The following ANXA8 variants were observed in gnomAD, a reference collection of about 807,000 sequenced individuals.
The protein encoded by ANXA8 is annexin A8, also known as VAC-beta.
Under a neutral mutation model 26.8 loss-of-function variants are expected in ANXA8, and 9 were observed. The ratio of observed to expected loss-of-function variants is 0.34; its 90% confidence interval spans 0.20 to 0.59. The LOEUF (loss-of-function observed/expected upper bound fraction) is 0.59. ANXA8 is among the 20% of genes least tolerant of loss of function. The pLI is 0.84. For synonymous variants in ANXA8, 39 were observed against 94.8 expected (o/e 0.41, Z 3.42); for missense variants, 83 against 238.5 (o/e 0.35, Z 4.29).
chr10:47,970,899 G>T, the ANXA8 span, among the ~76,000 whole-genome samples: 2 of 151,332 alleles, frequency 1.3e-5, no homozygotes, highest in Non-Finnish European at 3.0e-5. Context: ...CAAGGGATCT[G>T]GACCACAACT....
chr10:47,660,037 G>A, the ANXA8 span, among the ~76,000 whole-genome samples: 2 of 147,618 alleles, frequency 1.4e-5, no homozygotes, highest in African/African-American at 5.2e-5. Context: ...TTACAGTTGA[G>A]AGCCACCAAG....
the ANXA8 span, among the ~76,000 whole-genome samples, chr10:47,711,358 G>A: frequency 6.7e-6 from 1 of 149,838 alleles, no homozygotes; most frequent in Non-Finnish European, 1.5e-5. Context: ...AACAATCAAA[G>A]ACAGTTTCAT....
At chr10:47,652,484 C>G in the ANXA8 span, among the ~76,000 whole-genome samples, 1 of 151,140 alleles carries the variant, frequency 6.6e-6, no homozygotes, top group Non-Finnish European at 1.5e-5. Context: ...GTCATCCCAG[C>G]TACTGGGGAG....
At chr10:47,967,542 C>A in the ANXA8 span, among the ~76,000 whole-genome samples, 1 of 98,104 alleles carries the variant, frequency 1.0e-5, no homozygotes, top group African/African-American at 4.0e-5. Context: ...TGTTCCCATA[C>A]CCTCCCCTTC....
the ANXA8 span, among the ~76,000 whole-genome samples, chr10:47,639,314 ATTTTTT>A: frequency 8.5e-4 from 64 of 75,192 alleles, no homozygotes; most frequent in East Asian, 1.6e-3. Context: ...TATTATTATT[ATTTTTT>A]TTTTTTTTTT....
At chr10:47,502,808 G>A in the ANXA8 span, 10 of 1,592,398 alleles carry the variant, frequency 6.3e-6, no homozygotes, top group Admixed American at 1.7e-4. Context: ...GCCAGGATCT[G>A]GCTCTGGATG....
the ANXA8 span, among the ~76,000 whole-genome samples, chr10:47,733,253 T>TTC: frequency 1.9e-4 from 19 of 102,204 alleles, no homozygotes; most frequent in Admixed American, 5.4e-4. Flanking sequence ...CTTTCTTTCT[T>TTC]TCTTTCTTTC....
chr10:47,486,124 C>A (rs2132446789), upstream of ANXA8, among the ~76,000 whole-genome samples: 2 of 144,300 alleles, frequency 1.4e-5, no homozygotes, highest in South Asian at 4.4e-4. Flanking sequence ...AAAAAAAAAT[C>A]AACAGCAGCT....
At chr10:47,925,621 T>C in the ANXA8 span, among the ~76,000 whole-genome samples, 2 of 42,062 alleles carry the variant, frequency 4.8e-5, 1 homozygote, top group Non-Finnish European at 9.7e-5. Flanking sequence ...ACCTGGAGTT[T>C]GTAGATATTC....
the ANXA8 span, among the ~76,000 whole-genome samples, chr10:47,707,288 TTG>T: frequency 7.0e-6 from 1 of 143,698 alleles, no homozygotes; most frequent in Non-Finnish European, 1.6e-5. Flanking sequence ...GATCAATATA[TTG>T]TGTTTTTGGA....
the ANXA8 span, among the ~76,000 whole-genome samples, chr10:47,916,669 C>T: frequency 7.3e-6 from 1 of 136,466 alleles, no homozygotes; most frequent in Non-Finnish European, 1.7e-5. Flanking sequence ...GGCAAGGGAG[C>T]TGTTTGCTGC....
At chr10:47,666,506 T>A in the ANXA8 span, among the ~76,000 whole-genome samples, 83 of 151,954 alleles carry the variant, frequency 5.5e-4, no homozygotes, top group Non-Finnish European at 1.0e-3. Context: ...AACCCAAGGA[T>A]TTCTGCTGTC....
chr10:47,600,369 C>A, the ANXA8 span, among the ~76,000 whole-genome samples: 1 of 149,694 alleles, frequency 6.7e-6, no homozygotes, highest in African/African-American at 2.5e-5. Context: ...CCACGTGGCC[C>A]CACCCCGGGG....
At chr10:47,973,072 G>C in the ANXA8 span, 1 of 134,578 alleles carries the variant, frequency 7.4e-6, no homozygotes, top group African/African-American at 2.8e-5. Flanking sequence ...GATCATGCAT[G>C]CATGTGGACG....
chr10:47,685,249 G>A, the ANXA8 span, among the ~76,000 whole-genome samples: 1 of 151,162 alleles, frequency 6.6e-6, no homozygotes, highest in Non-Finnish European at 1.5e-5. Context: ...GGGAGGCTGA[G>A]GTAGGAGAAT....
At chr10:47,970,381 C>T in the ANXA8 span, 1 of 150,970 alleles carries the variant, frequency 6.6e-6, no homozygotes, top group African/African-American at 2.4e-5. Context: ...GGAGGTGTGT[C>T]CTCCTTGGAA....
At chr10:47,977,324 T>C in the ANXA8 span, among the ~76,000 whole-genome samples, 1 of 150,230 alleles carries the variant, frequency 6.7e-6, no homozygotes, top group Non-Finnish European at 1.5e-5. Flanking sequence ...AACAACAAAT[T>C]GTGAAGAGGG....
the ANXA8 span, among the ~76,000 whole-genome samples, chr10:47,731,220 A>G: frequency 6.6e-6 from 1 of 152,260 alleles, no homozygotes; most frequent in Non-Finnish European, 1.5e-5. Flanking sequence ...TGACATGAAC[A>G]AGCTTCTTTT....
At chr10:47,950,731 A>T in the ANXA8 span, among the ~76,000 whole-genome samples, 45 of 151,184 alleles carry the variant, frequency 3.0e-4, 4 homozygotes, top group East Asian at 8.2e-3. Flanking sequence ...TTTAAATAAT[A>T]CATGGATCAA....
Sources: gnomAD v4.1 joint callset for allele counts (sites outside exome capture counted in the v4.1 genomes callset) on GRCh38, gnomAD v4.1.1 for gene constraint, MANE v1.5 for transcripts, NCBI Gene and HGNC (gene_info 2026-07-23, HGNC 2026-07-21) for gene names.